ZGRF1: variants seen among roughly 807,000 people sequenced by gnomAD.
ZGRF1 encodes zinc finger GRF-type containing 1, also known as 5'-3' DNA helicase ZGRF1.
ZGRF1 carries 196 observed loss-of-function variants against 203.5 expected under a neutral mutation model. The observed-to-expected ratio is 0.96, with a 90% CI of 0.86 to 1.08. The LOEUF is 1.08. ZGRF1 is among the 50% of genes least tolerant of loss of function. The pLI, the probability that ZGRF1 is intolerant of heterozygous loss-of-function variation, is 0.00. For synonymous variants in ZGRF1, 809 were observed against 841.3 expected (o/e 0.96, Z 0.66); for missense variants, 2,326 against 2,416.3 (o/e 0.96, Z 0.78).
intron 11 of ZGRF1, among the ~76,000 whole-genome samples, chr4:112,588,850 G>T (rs778516107): frequency 2.0e-5 from 3 of 152,122 alleles, no homozygotes; most frequent in Non-Finnish European, 2.9e-5. Context: ...ATTCTAACAA[G>T]TCGATCAAGT....
intron 16 of ZGRF1, among the ~76,000 whole-genome samples, chr4:112,570,363 C>T (rs1167626473): frequency 6.6e-6 from 1 of 152,102 alleles, no homozygotes; most frequent in Non-Finnish European, 1.5e-5. Flanking sequence ...CTGAAGAGGG[C>T]AGACCACTTG....
At position 112,578,825 on chromosome 4, in the gene ZGRF1, C is replaced by T. The variant is rs868285358; in HGVS notation, c.4438+2838G>A. On this transcript the variant is annotated intron_variant, in intron 16 of 27. Coordinates refer to ENST00000505019, the MANE Select transcript of ZGRF1 (RefSeq NM_018392.5). The stretch of plus-strand genomic sequence containing the variant: ...GTCCAGGACCAGATGGATTCACAGC[C>T]GAATTCTACCAGAGGTACAAGGAGG... 1.5e-4 allele frequency among the ~76,000 whole-genome samples: 18 copies of T among 121,206 alleles called. 6 individuals are homozygous for T. Among genetic ancestry groups the T allele is most frequent in the African/African-American group, 3.2e-4 (11 of 34,606 alleles). The allele number at this position is 121,206 out of a possible 152,430, so 79.5% of individuals were successfully genotyped here. A position where few individuals can be genotyped will look rare whatever the true frequency, so the allele number is the denominator to read the frequency against.
At chr4:112,580,857 G>T (rs992574299) in intron 16 of ZGRF1, among the ~76,000 whole-genome samples, 2 of 152,054 alleles carry the variant, frequency 1.3e-5, no homozygotes, top group Non-Finnish European at 2.9e-5. Context: ...AACCATTGTG[G>T]AAGTCAGTGT....
chr4:112,611,197 G>T (rs989607471), intron 7 of ZGRF1, among the ~76,000 whole-genome samples: 1 of 152,062 alleles, frequency 6.6e-6, no homozygotes, highest in African/African-American at 2.4e-5. Flanking sequence ...GAGGTCAGGA[G>T]TTGGAGACCA....
rs79471998 is a variant in ZGRF1 at position 112,580,178 on chromosome 4, A to G, written c.4438+1485T>C. 1.8e-4 allele frequency among the ~76,000 whole-genome samples: 22 copies of G among 123,948 alleles called. 7 individuals are homozygous for G. The East Asian group carries it at 5.2e-3, about 29-fold the overall frequency. 81.3% of individuals were successfully genotyped at this position (123,948 alleles called of 152,430 possible). A position where few individuals can be genotyped will look rare whatever the true frequency, so the allele number is the denominator to read the frequency against. On this transcript the variant is annotated intron_variant, in intron 16 of 27. Transcript: ENST00000505019. ...CCTGACAAAAACAAGCAAATGGGAAAGGATTCCCTATTTAACAAATGTTGC... is the reference window on the plus strand; with the variant it reads ...CCTGACAAAAACAAGCAAATGGGAAGGGATTCCCTATTTAACAAATGTTGC...
In ZGRF1 at chr4:112,620,065, C is replaced by A; in HGVS notation, c.288G>T (p.Arg96Ser). ...GAGATCGGCCAGAGGATATAAATGT[C>A]CTTGAATTTAACTCTGGTGCTTCTT... is the stretch of plus-strand genomic sequence containing the variant. ...VNKEAPELNS[R>S]TFISSGRSLG... The change falls in exon 5 of 28, where the codon AGG becomes AGT. Residue 96 changes from arginine to serine, a missense_variant. Coordinates refer to ENST00000505019, the MANE Select transcript of ZGRF1 (RefSeq NM_018392.5). 1 of 1,613,040 alleles carries A rather than the reference C, an allele frequency of 6.2e-7. No homozygotes were observed. Among genetic ancestry groups the A allele is most frequent in the East Asian group, 2.2e-5 (1 of 44,748 alleles).
chr4:112,541,031 C>CA, intron 25 of ZGRF1, 61 bp downstream of exon 25: 1 of 1,543,978 alleles, frequency 6.5e-7, no homozygotes, highest in Admixed American at 2.0e-5. Context: ...ATACAAACAA[C>CA]AACAAAATTA....
intron 10 of ZGRF1, among the ~76,000 whole-genome samples, chr4:112,594,770 C>G (rs889279128): frequency 4.0e-5 from 6 of 151,876 alleles, no homozygotes; most frequent in Admixed American, 2.0e-4. Context: ...TCAAGTTTAT[C>G]TTGTCTTCAG....
chr4:112,632,381 T>G (rs2149216095), intron 2 of ZGRF1, among the ~76,000 whole-genome samples: 1 of 152,284 alleles, frequency 6.6e-6, no homozygotes, highest in South Asian at 2.1e-4. Context: ...AAAAAATTAC[T>G]GGATTACACA....
chr4:112,633,892 G>GT (rs2047493628), intron 1 of ZGRF1, among the ~76,000 whole-genome samples: 1 of 152,144 alleles, frequency 6.6e-6, no homozygotes, highest in Admixed American at 6.5e-5. Flanking sequence ...TGGACCAACA[G>GT]TATCATCTGG....
chr4:112,575,786 G>A (rs971330398), intron 16 of ZGRF1, among the ~76,000 whole-genome samples: 2 of 152,258 alleles, frequency 1.3e-5, no homozygotes, highest in East Asian at 1.9e-4. Flanking sequence ...CAGGAAGCTC[G>A]AACTGGGTGG....
rs1366701308 is a variant in ZGRF1, at chr4:112,577,147, T to C, written c.4438+4516A>G. 1.8e-4 allele frequency among the ~76,000 whole-genome samples: 18 copies of C among 101,158 alleles called. 3 individuals carry two copies. The East Asian group carries it at 5.2e-3, about 29-fold the overall frequency. 66.4% of individuals were successfully genotyped at this position (101,158 alleles called of 152,430 possible). On this transcript the variant is annotated intron_variant, in intron 16 of 27. Transcript: ENST00000505019. ...TTCAACATTCTTAAAGAAAAGAATT[T>C]TCAACCCAGAATTTCATATCCAGTC...
In ZGRF1 at chr4:112,587,664, A is replaced by T. The variant is rs992104442; in HGVS notation, c.3393T>A (p.Asn1131Lys). ...TFFSEESREV[N>K]PGDVSLNNIS... The stretch of plus-strand genomic sequence containing the variant: ...TATTATTAAGTGAAACATCCCCTGG[A>T]TTCACTTCCCTAGATTCTTCAGAGA... Residue 1131 changes from asparagine to lysine, a missense_variant, in exon 12 of 28, where the codon AAT becomes AAA. Coordinates refer to ENST00000505019, the MANE Select transcript of ZGRF1 (RefSeq NM_018392.5). 5.0e-6 allele frequency: 8 copies of T among 1,613,570 alleles called. No homozygotes were observed. The highest frequency in any genetic ancestry group is 6.8e-6 in the Non-Finnish European group (8 of 1,179,722).
chr4:112,587,572 CTGTT>C lies in ZGRF1; in HGVS notation c.3481_3484del (p.Asn1161GlufsTer6), dbSNP rs1747414688. ...GCCATCAGTTATTCTCTTATCAACT[CTGTT>C]TGGAGTAGCCACGTTGCATTGGGAT... On this transcript the variant is annotated frameshift_variant, in exon 12 of 28. Transcript: ENST00000505019. LOFTEE classifies it high-confidence loss of function. The C allele has an allele frequency of 1.9e-6, 3 of 1,613,770 alleles. No homozygotes were observed. Among genetic ancestry groups the C allele is most frequent in the African/African-American group, 1.3e-5 (1 of 74,910 alleles).
intron 16 of ZGRF1, among the ~76,000 whole-genome samples, chr4:112,571,303 C>T (rs1235067665): frequency 6.6e-6 from 1 of 152,084 alleles, no homozygotes; most frequent in Non-Finnish European, 1.5e-5. Context: ...AACAAAAATA[C>T]ATTGCTGATC....
chr4:112,612,413 AG>A lies in ZGRF1; in HGVS notation c.2667+110del, dbSNP rs1190203881. ...CAATGAAAAATTACTGAGATACAGC[AG>A]GAGTCATGAACCAAGATAGCTTGGG... On this transcript the variant is annotated intron_variant, in intron 7 of 27. Transcript: ENST00000505019. 11 of 640,704 alleles carry A rather than the reference AG, an allele frequency of 1.7e-5. No individual in the cohort carries two copies. In the Admixed American group the frequency reaches 2.0e-4, roughly 12 times the overall value. 39.7% of individuals were successfully genotyped at this position (640,704 alleles called of 1,614,324 possible).
rs1578628473 is a variant in ZGRF1, at chr4:112,539,893, G to A, written c.6142C>T (p.Leu2048Phe). Residue 2048 changes from leucine (L) to phenylalanine (F), a missense_variant, in exon 27 of 28, where the codon CTT (leucine) becomes TTT (phenylalanine). Leu to Phe is a conservative substitution (Grantham distance 22). Transcript: ENST00000505019. ...CAGTGTTGGATCACTCGTCCCCAAA[G>A]TTGATTTTTCCTCAAACAGGCTAAA... ...GNLACLRKNQ[L>F]WGRVIQHCEG... is the part of the protein sequence containing the mutation. The A allele has an allele frequency of 6.2e-7, 1 of 1,613,830 alleles. No homozygotes were observed. The highest frequency in any genetic ancestry group is 1.3e-5 in the African/African-American group (1 of 75,042).
intron 12 of ZGRF1, among the ~76,000 whole-genome samples, chr4:112,586,785 G>GTA (rs1747267503): frequency 6.6e-6 from 1 of 152,046 alleles, no homozygotes. Flanking sequence ...CCCTATATAA[G>GTA]AGTAACTTTT....
intron 16 of ZGRF1, among the ~76,000 whole-genome samples, chr4:112,568,004 A>G (rs913071238): frequency 6.6e-6 from 1 of 152,164 alleles, no homozygotes; most frequent in Admixed American, 6.5e-5. Flanking sequence ...AATATAATTG[A>G]TAAATAGCAG....
Sources: gnomAD v4.1 joint callset for allele counts (sites outside exome capture counted in the v4.1 genomes callset) on GRCh38, gnomAD v4.1.1 for gene constraint, MANE v1.5 for transcripts, NCBI Gene and HGNC (gene_info 2026-07-23, HGNC 2026-07-21) for gene names.